The following KLRG2 variants were observed in gnomAD, a reference collection of about 807,000 sequenced individuals.
The protein encoded by KLRG2 is killer cell lectin like receptor G2.
Under a neutral mutation model 35.4 loss-of-function variants are expected in KLRG2, and 39 were observed. The ratio of observed to expected loss-of-function variants is 1.10; its 90% CI spans 0.85 to 1.44. The LOEUF is 1.44. Among genes scored for constraint, KLRG2 ranks in the 40% most tolerant of loss-of-function variants. The pLI is 0.00. For missense variants in KLRG2, 632 were observed against 570.9 expected, an observed-to-expected ratio of 1.11 and a Z score of -1.09; for synonymous variants, 283 against 265.8, an observed-to-expected ratio of 1.06 and a Z score of -0.63.
rs1435753773 is a variant in KLRG2, at chr7:139,453,339, C to T, written c.*248G>A. ...AACAACCATCCCAATGTCATCAAACCGATCATCCACAGAAGCTGGAGACTA... is the reference window on the plus strand; with the variant it reads ...AACAACCATCCCAATGTCATCAAACTGATCATCCACAGAAGCTGGAGACTA... On this transcript the variant is annotated 3_prime_UTR_variant, in exon 5 of 5. Transcript: ENST00000340940. 1.3e-5 allele frequency: 7 copies of T among 531,710 alleles called. No homozygotes were observed. Among genetic ancestry groups the T allele is most frequent in the African/African-American group, 7.9e-5 (4 of 50,806 alleles). The allele number at this position is 531,710 out of a possible 1,614,324, so 32.9% of individuals were successfully genotyped here. A position where few individuals can be genotyped will look rare whatever the true frequency, so the allele number is the denominator to read the frequency against.
At chr7:139,479,866 G>A (rs1796924926) in intron 2 of KLRG2, 94 bp from the exon 3 acceptor site, 6 of 1,398,168 alleles carry the variant, frequency 4.3e-6, no homozygotes, top group Non-Finnish European at 5.8e-6. Context: ...CATGGAACTG[G>A]CAAACCTCAA....
At chr7:139,457,569 G>A (rs1000902534) in intron 3 of KLRG2, among the ~76,000 whole-genome samples, 12 of 152,098 alleles carry the variant, frequency 7.9e-5, no homozygotes, top group East Asian at 3.9e-4. Flanking sequence ...ATGTCCTCTC[G>A]CGTCTGACAT....
At chr7:139,454,853 AATAATAAT>A (rs1796439631) in intron 3 of KLRG2, among the ~76,000 whole-genome samples, 2 of 122,790 alleles carry the variant, frequency 1.6e-5, no homozygotes, top group South Asian at 4.9e-4. Flanking sequence ...TAATAATAAT[AATAATAAT>A]AATAACACAC....
chr7:139,446,459 C>T, the KLRG2 span, among the ~76,000 whole-genome samples: 9 of 148,738 alleles, frequency 6.1e-5, no homozygotes, highest in Non-Finnish European at 1.2e-4. Flanking sequence ...AAGTGATTCT[C>T]GTGCCTCAGC....
downstream of KLRG2, among the ~76,000 whole-genome samples, chr7:139,452,088 C>G (rs1474336957): frequency 6.6e-6 from 1 of 151,730 alleles, no homozygotes; most frequent in Admixed American, 6.6e-5. Flanking sequence ...CCTGCCCCAG[C>G]CTCCCGAGTA....
chr7:139,436,630 C>T, the KLRG2 span, among the ~76,000 whole-genome samples: 1 of 152,176 alleles, frequency 6.6e-6, no homozygotes, highest in Non-Finnish European at 1.5e-5. Flanking sequence ...CATGAGGAGC[C>T]CGGCTCCAGC....
At chr7:139,445,777 A>ATGTGTG in the KLRG2 span, among the ~76,000 whole-genome samples, 8 of 115,340 alleles carry the variant, frequency 6.9e-5, no homozygotes, top group African/African-American at 5.0e-4. Context: ...GTATATATAT[A>ATGTGTG]TATGTATATA....
At chr7:139,442,116 G>C in the KLRG2 span, among the ~76,000 whole-genome samples, 1 of 152,194 alleles carries the variant, frequency 6.6e-6, no homozygotes, top group Non-Finnish European at 1.5e-5. Context: ...TGACACGCCA[G>C]GGAGCAAAGC....
chr7:139,450,458 T>A (rs995303665), downstream of KLRG2, among the ~76,000 whole-genome samples: 5 of 151,934 alleles, frequency 3.3e-5, no homozygotes, highest in African/African-American at 1.2e-4. Flanking sequence ...CTCTTGACCT[T>A]GTGATCTGCC....
chr7:139,455,736 C>T (rs982383606), intron 3 of KLRG2, among the ~76,000 whole-genome samples: 3 of 152,112 alleles, frequency 2.0e-5, no homozygotes, highest in East Asian at 1.9e-4. Flanking sequence ...TCTGAAATGT[C>T]GTTTGGTGCT....
At chr7:139,450,817 G>A (rs963784318), downstream of KLRG2, among the ~76,000 whole-genome samples, 1 of 152,150 alleles carries the variant, frequency 6.6e-6, no homozygotes, top group African/African-American at 2.4e-5. Flanking sequence ...CATAAACAGC[G>A]ACATATTTCT....
intron 3 of KLRG2, among the ~76,000 whole-genome samples, chr7:139,467,500 C>A (rs4545031): frequency 0.12 from 18,142 of 151,878 alleles, 1,357 homozygotes; most frequent in African/African-American, 0.2. Context: ...AAAAAAAATT[C>A]TTCTGCCTTG....
chr7:139,441,902 T>C, the KLRG2 span, among the ~76,000 whole-genome samples: 52 of 152,302 alleles, frequency 3.4e-4, 1 homozygote, highest in African/African-American at 1.0e-3. Context: ...AGAATAATGC[T>C]GCTTCTCTCC....
intron 3 of KLRG2, among the ~76,000 whole-genome samples, chr7:139,458,299 C>T (rs888379267): frequency 2.0e-5 from 3 of 151,928 alleles, no homozygotes; most frequent in South Asian, 2.1e-4. Context: ...GATGGCTTGA[C>T]CCCGGGAGGT....
chr7:139,482,832 G>C, intron 1 of KLRG2, 54 bp downstream of exon 1: 1 of 1,351,842 alleles, frequency 7.4e-7, no homozygotes, highest in Non-Finnish European at 9.5e-7. Context: ...TGGGGGTTTC[G>C]GCTACGTCCA....
At chr7:139,466,967 T>G (rs1281759771) in intron 3 of KLRG2, among the ~76,000 whole-genome samples, 1 of 150,484 alleles carries the variant, frequency 6.6e-6, no homozygotes, top group African/African-American at 2.5e-5. Context: ...TCCTTTAATC[T>G]CTGTTTTTCT....
chr7:139,443,085 G>GA, the KLRG2 span, among the ~76,000 whole-genome samples: 1 of 136,426 alleles, frequency 7.3e-6, no homozygotes, highest in Non-Finnish European at 1.5e-5. Context: ...AATGGAACAG[G>GA]AAAAAAAACT....
rs923823399 is a variant in KLRG2 at position 139,479,060 on chromosome 7, T to TA, written c.1005+566dup. On this transcript the variant is annotated intron_variant, in intron 3 of 4. Coordinates refer to ENST00000340940, the MANE Select transcript of KLRG2 (RefSeq NM_198508.4). ...GCCAACATCGTGAGACCCTGTCCCT[T>TA]AAAAAAAAATTATTTTTATTTTTAT... Among the ~76,000 whole-genome samples, 26 of 151,608 alleles carry TA rather than the reference T, an allele frequency of 1.7e-4. No individual in the cohort carries two copies. The South Asian group carries it at 3.5e-3, about 21-fold the overall frequency.
chr7:139,442,111 C>T, the KLRG2 span, among the ~76,000 whole-genome samples: 118 of 152,292 alleles, frequency 7.7e-4, no homozygotes, highest in African/African-American at 2.6e-3. Context: ...GTCAGTGACA[C>T]GCCAGGGAGC....
Sources: gnomAD v4.1 joint callset for allele counts (sites outside exome capture counted in the v4.1 genomes callset) on GRCh38, gnomAD v4.1.1 for gene constraint, MANE v1.5 for transcripts, NCBI Gene and HGNC (gene_info 2026-07-23, HGNC 2026-07-21) for gene names.